The following RAP2A variants were observed in gnomAD, a reference collection of about 807,000 sequenced individuals.
RAP2A encodes the protein ras-related protein Rap-2a.
A neutral mutation model predicts 15.1 loss-of-function variants in RAP2A; 5 were observed. The observed-to-expected ratio is 0.33, with a 90% CI of 0.17 to 0.70. The LOEUF (loss-of-function observed/expected upper bound fraction) is 0.70, where lower values mean the gene tolerates loss of function less well. RAP2A is among the 30% of genes least tolerant of loss of function. The probability of loss-of-function intolerance (pLI) is 0.68; values close to 1 mark genes in which losing one functional copy is unlikely to be tolerated. For missense variants in RAP2A, 111 were observed against 240.3 expected (o/e 0.46, Z 3.56); for synonymous variants, 110 against 99.7 (o/e 1.10, Z -0.62).
intron 1 of RAP2A, among the ~76,000 whole-genome samples, chr13:97,446,935 T>G (rs1473035144): frequency 6.6e-6 from 1 of 152,246 alleles, no homozygotes; most frequent in Non-Finnish European, 1.5e-5. Context: ...AAATGGCTAT[T>G]TTAAGCCCCT....
At chr13:97,441,182 C>T (rs1237770562) in intron 1 of RAP2A, among the ~76,000 whole-genome samples, 2 of 151,984 alleles carry the variant, frequency 1.3e-5, no homozygotes, top group African/African-American at 4.8e-5. Context: ...GGGAAGGGGT[C>T]AAGTTTAATA....
At chr13:97,438,938 G>A (rs2066645541) in intron 1 of RAP2A, among the ~76,000 whole-genome samples, 1 of 152,208 alleles carries the variant, frequency 6.6e-6, no homozygotes, top group South Asian at 2.1e-4. Context: ...ATAGATGGAG[G>A]AGATGATCTT....
At chr13:97,439,020 G>A (rs2066645863) in intron 1 of RAP2A, among the ~76,000 whole-genome samples, 1 of 152,110 alleles carries the variant, frequency 6.6e-6, no homozygotes, top group African/African-American at 2.4e-5. Context: ...TTCCAGTTGG[G>A]GCAGTGTTTA....
chr13:97,442,153 TTAAA>T (rs1407573879), intron 1 of RAP2A, among the ~76,000 whole-genome samples: 1 of 152,124 alleles, frequency 6.6e-6, no homozygotes, highest in Non-Finnish European at 1.5e-5. Flanking sequence ...GTCAAGTATG[TTAAA>T]TAAAGCATAA....
At chr13:97,436,255 A>G (rs1179794136) in intron 1 of RAP2A, 1 of 151,904 alleles carries the variant, frequency 6.6e-6, no homozygotes, top group East Asian at 1.9e-4. Context: ...TAAGAGATGA[A>G]CAATTCTGGT....
At chr13:97,446,092 G>A (rs1008523180) in intron 1 of RAP2A, among the ~76,000 whole-genome samples, 21 of 152,102 alleles carry the variant, frequency 1.4e-4, no homozygotes, top group East Asian at 7.7e-4. Flanking sequence ...AAGTACCATT[G>A]CTTCAATCTA....
intron 1 of RAP2A, among the ~76,000 whole-genome samples, chr13:97,442,625 AT>A (rs1237554501): frequency 6.6e-6 from 1 of 151,882 alleles, no homozygotes; most frequent in African/African-American, 2.4e-5. Context: ...TTTTCTATTT[AT>A]TTTTTTCTAT....
At chr13:97,460,380 G>A (rs2066741096) in intron 1 of RAP2A, among the ~76,000 whole-genome samples, 1 of 152,190 alleles carries the variant, frequency 6.6e-6, no homozygotes, top group Non-Finnish European at 1.5e-5. Context: ...TAACTTCAGA[G>A]TATCTTAGGA....
At chr13:97,444,079 A>G (rs550136610) in intron 1 of RAP2A, among the ~76,000 whole-genome samples, 1 of 152,282 alleles carries the variant, frequency 6.6e-6, no homozygotes, top group South Asian at 2.1e-4. Flanking sequence ...GTCTTACTAT[A>G]TTGAGATGAA....
Position 97,465,436 on chromosome 13 carries a change from G to T in RAP2A, c.*994G>T, listed in dbSNP as rs1301232299. On this transcript the variant is annotated 3_prime_UTR_variant, in exon 2 of 2. Transcript: ENST00000245304. ...AGCAAATTCCTTCTCGCCTTTAAGG[G>T]CTATGGTTGTAGTGTGACCCGTGGC... 1 of 152,628 alleles carries T rather than the reference G, an allele frequency of 6.6e-6. No homozygotes were observed. The highest frequency in any genetic ancestry group is 1.5e-5 in the Non-Finnish European group (1 of 68,044). The allele number at this position is 152,628 out of a possible 1,614,324, so 9.5% of individuals were successfully genotyped here. A position where few individuals can be genotyped will look rare whatever the true frequency, so the allele number is the denominator to read the frequency against.
At chr13:97,456,584 T>G (rs770165258) in intron 1 of RAP2A, among the ~76,000 whole-genome samples, 1 of 152,134 alleles carries the variant, frequency 6.6e-6, no homozygotes, top group Admixed American at 6.6e-5. Context: ...AGTGGTCCAA[T>G]GATTGTGATA....
chr13:97,460,026 C>T (rs569237438), intron 1 of RAP2A, among the ~76,000 whole-genome samples: 14 of 152,200 alleles, frequency 9.2e-5, no homozygotes, highest in East Asian at 7.7e-4. Context: ...TCAGTATTCA[C>T]GTAGTTAAAA....
At position 97,453,662 on chromosome 13, in the gene RAP2A, G is replaced by T. The variant is rs145183607; in HGVS notation, c.315-10543G>T. 3.7e-4 allele frequency among the ~76,000 whole-genome samples: 56 copies of T among 151,230 alleles called. 4 individuals are homozygous for T. The highest frequency in any genetic ancestry group is 1.3e-3 in the African/African-American group (53 of 41,044). On this transcript the variant is annotated intron_variant, in intron 1 of 1. Transcript: ENST00000245304. Reference sequence around the variant, plus strand: ...TCTTGGTTGTTTCTGATTTTTACCTGTAAACATTTGTGTACAGGTTTTTAT... The same window carrying T: ...TCTTGGTTGTTTCTGATTTTTACCTTTAAACATTTGTGTACAGGTTTTTAT...
At position 97,453,494 on chromosome 13, in the gene RAP2A, T is replaced by C. The variant is rs764470526; in HGVS notation, c.315-10711T>C. Among the ~76,000 whole-genome samples the C allele has an allele frequency of 4.1e-4, 62 of 151,386 alleles. 2 individuals carry two copies. Among genetic ancestry groups the C allele is most frequent in the Non-Finnish European group, 7.5e-4 (51 of 67,818 alleles). On this transcript the variant is annotated intron_variant, in intron 1 of 1. Coordinates refer to ENST00000245304, the MANE Select transcript of RAP2A (RefSeq NM_021033.7). ...TCATACAGAATGTAACCTGTTCGGA[T>C]TGGCCCTTTTTACTCAGCTAAATTC...
chr13:97,434,831 C>T (rs1378238965), intron 1 of RAP2A, 47 bp downstream of exon 1: 1 of 1,599,404 alleles, frequency 6.3e-7, no homozygotes, highest in South Asian at 1.1e-5. Flanking sequence ...CCGGAGTCAC[C>T]GTCCCGGGGC....
intron 1 of RAP2A, among the ~76,000 whole-genome samples, chr13:97,438,555 C>T (rs2066643771): frequency 6.6e-6 from 1 of 152,160 alleles, no homozygotes; most frequent in South Asian, 2.1e-4. Context: ...ATAACTCCCA[C>T]AAGCTTAGTG....
At chr13:97,446,065 T>C (rs1472925783) in intron 1 of RAP2A, among the ~76,000 whole-genome samples, 2 of 152,186 alleles carry the variant, frequency 1.3e-5, no homozygotes, top group African/African-American at 4.8e-5. Flanking sequence ...CAATCACATA[T>C]CTATTTTCCT....
chr13:97,462,582 G>C (rs571260854), intron 1 of RAP2A, among the ~76,000 whole-genome samples: 3 of 152,180 alleles, frequency 2.0e-5, no homozygotes, highest in African/African-American at 4.8e-5. Context: ...GCCCGAAATC[G>C]TAAGGTACAG....
chr13:97,459,882 A>T (rs1028852576), intron 1 of RAP2A, among the ~76,000 whole-genome samples: 1 of 152,210 alleles, frequency 6.6e-6, no homozygotes, highest in Non-Finnish European at 1.5e-5. Flanking sequence ...CCATTGATGT[A>T]AGTGTCTAGA....
Sources: allele counts gnomAD v4.1 joint callset (sites outside exome capture counted in the v4.1 genomes callset), GRCh38; gene constraint gnomAD v4.1.1; transcripts MANE v1.5; gene names NCBI Gene and HGNC (gene_info 2026-07-23, HGNC 2026-07-21).